Variants in G6PD observed in about 807,000 individuals in gnomAD.
G6PD encodes the protein glucose-6-phosphate 1-dehydrogenase.
A neutral mutation model predicts 38.2 loss-of-function variants in G6PD; 2 were observed. That is an observed-to-expected ratio of 0.05 (90% CI 0.02 to 0.16). G6PD has a LOEUF of 0.16. Ranked by LOEUF, G6PD falls within the 10% of genes least tolerant of loss-of-function variation. G6PD has a pLI of 1.00. For missense variants in G6PD, 310 were observed against 471.6 expected (o/e 0.66, Z 3.17); for synonymous variants, 188 against 196.0 (o/e 0.96, Z 0.34).
rs1361075567 is a variant in G6PD, at chrX:154,534,648, C to T, written c.486-152G>A. On this transcript the variant is annotated intron_variant, in intron 5 of 12. Transcript: ENST00000393562. ...TCCCGTGCCTTGTGTTCCCAGATGA[C>T]CCTCTGGCTCAACACCTTCCGGGAA... 10 of 633,033 alleles carry T rather than the reference C, an allele frequency of 1.6e-5. No individual in the cohort carries two copies. In the Middle Eastern group the frequency reaches 2.0e-3, roughly 128 times the overall value. The allele number at this position is 633,033 out of a possible 1,213,427, so 52.2% of individuals were successfully genotyped here. A position where few individuals can be genotyped will look rare whatever the true frequency, so the allele number is the denominator to read the frequency against.
chrX:154,544,912 A>T (rs2070649568), intron 2 of G6PD, among the ~76,000 whole-genome samples: 1 of 112,709 alleles, frequency 8.9e-6, no homozygotes, highest in Non-Finnish European at 1.9e-5. Flanking sequence ...ACGATGTGGA[A>T]GAACTAACTA....
intron 2 of G6PD, 24 bp downstream of exon 2, chrX:154,546,012 G>A: frequency 3.3e-6 from 4 of 1,209,107 alleles, no homozygotes; most frequent in Non-Finnish European, 4.5e-6. Flanking sequence ...TGGCTTTTAA[G>A]ATTGGGGCCT....
intron 4 of G6PD, 25 bp from the exon 5 acceptor site, chrX:154,535,410 C>G (rs372136641): frequency 3.4e-5 from 40 of 1,162,968 alleles, no homozygotes; most frequent in Non-Finnish European, 4.3e-5. Context: ...CAGACAGACA[C>G]ACAGACAGAT....
chrX:154,542,849 T>C (rs1257968929), intron 2 of G6PD, among the ~76,000 whole-genome samples: 1 of 112,125 alleles, frequency 8.9e-6, no homozygotes, highest in Admixed American at 9.4e-5. Context: ...CACGTCAGCC[T>C]GAACTCTTGC....
At position 154,532,482 on chromosome X, in the gene G6PD, T is replaced by C. The variant is rs782459726; in HGVS notation, c.1288-20A>G. 5.0e-6 allele frequency: 6 copies of C among 1,207,781 alleles called. No homozygotes were observed. Among genetic ancestry groups the C allele is most frequent in the Non-Finnish European group, 4.5e-6 (4 of 892,790 alleles). ...CACGTTCTGTGAGGGAGAGAGTGTC[T>C]TGCTGATGCCACTGCCTGCCACCAT... On this transcript the variant is annotated intron_variant, in intron 10 of 12. Transcript: ENST00000393562.
intron 2 of G6PD, among the ~76,000 whole-genome samples, chrX:154,538,662 TC>T (rs1242645996): frequency 8.9e-5 from 10 of 111,776 alleles, no homozygotes; most frequent in African/African-American, 3.3e-4. Context: ...GCGTGGTGGC[TC>T]AAGCCTGTAA....
chrX:154,542,590 C>A, intron 2 of G6PD: 1 of 843,611 alleles, frequency 1.2e-6, no homozygotes, highest in Non-Finnish European at 1.6e-6. Context: ...GTAAGCTGGC[C>A]AGGGAGGAGG....
chrX:154,543,336 G>A (rs887584757), intron 2 of G6PD, among the ~76,000 whole-genome samples: 4 of 112,598 alleles, frequency 3.6e-5, no homozygotes, highest in Admixed American at 1.9e-4. Flanking sequence ...GCCACAGGCG[G>A]AGGCAGTGAA....
intron 2 of G6PD, among the ~76,000 whole-genome samples, chrX:154,537,263 C>T (rs936579853): frequency 1.8e-5 from 2 of 111,414 alleles, no homozygotes; most frequent in Admixed American, 9.5e-5. Context: ...CAAGATTGCA[C>T]CATTGCACCC....
At chrX:154,533,997 C>A (rs782272729) in intron 7 of G6PD, 38 bp downstream of exon 7, 1 of 1,210,964 alleles carries the variant, frequency 8.3e-7, no homozygotes, top group Non-Finnish European at 1.1e-6. Context: ...GCTCTGCCAC[C>A]CTGTGCCAGC....
intron 2 of G6PD, among the ~76,000 whole-genome samples, chrX:154,537,701 T>A (rs1403056207): frequency 9.0e-6 from 1 of 111,493 alleles, no homozygotes; most frequent in Non-Finnish European, 1.9e-5. Context: ...GCATAGAGAG[T>A]GTTGCCAGTG....
chrX:154,542,281 G>C (rs1557232098), intron 2 of G6PD: 1 of 1,152,571 alleles, frequency 8.7e-7, no homozygotes. Flanking sequence ...TTGTGATCCA[G>C]GTGGGGAAAC....
chrX:154,544,218 G>C (rs1337338307), intron 2 of G6PD, among the ~76,000 whole-genome samples: 6 of 107,366 alleles, frequency 5.6e-5, no homozygotes, highest in African/African-American at 2.1e-4. Flanking sequence ...CTGGAGTGCA[G>C]TGGCGCGATC....
chrX:154,536,092 G>A (rs1183395220), intron 3 of G6PD, 47 bp from the exon 4 acceptor site: 3 of 1,207,286 alleles, frequency 2.5e-6, no homozygotes, highest in East Asian at 5.9e-5. Context: ...GGCAGGACCA[G>A]GCCTGTCCCT....
At chrX:154,535,051 G>A in intron 5 of G6PD, 117 bp downstream of exon 5, 1 of 727,076 alleles carries the variant, frequency 1.4e-6, no homozygotes, top group South Asian at 2.2e-5. Flanking sequence ...CGCTGGGGAT[G>A]GCCCCGGCAC....
upstream of G6PD, chrX:154,547,556 G>A: frequency 6.6e-6 from 5 of 754,976 alleles, no homozygotes; most frequent in Non-Finnish European, 7.8e-6. Context: ...ACTTCTCGCC[G>A]GCTTCCCGAG....
In G6PD at chrX:154,546,122, C is replaced by T. The variant is rs797043472; in HGVS notation, c.34G>A (p.Val12Met). 2 of 1,210,592 alleles carry T rather than the reference C, an allele frequency of 1.7e-6. No individual in the cohort carries two copies. Among genetic ancestry groups the T allele is most frequent in the Non-Finnish European group, 2.2e-6 (2 of 895,363 alleles). The stretch of plus-strand genomic sequence containing the variant: ...AGCTCTTCCCGCAGGATCCCGCACA[C>T]CTGGGTCCGGCTCAGGGCCACCTGC... ...AEQVALSRTQ[V>M]CGILREELFQ... Residue 12 changes from valine to methionine, a missense_variant, in exon 2 of 13, where the codon GTG becomes ATG. This residue lies in a region of G6PD where 29 missense variants were observed against 28.2 expected (regional missense o/e 1.03). Coordinates refer to ENST00000393562, the MANE Select transcript of G6PD (RefSeq NM_001360016.2).
In G6PD at chrX:154,534,556, G is replaced by C. The variant is rs2515904; in HGVS notation, c.486-60C>G. 8.4e-3 allele frequency: 9,987 copies of C among 1,185,278 alleles called. 544 individuals carry two copies. The African/African-American group carries it at 0.16, about 19-fold the overall frequency. The stretch of plus-strand genomic sequence containing the variant: ...ACCCCTCTTCGGGGAGTGAGGATCA[G>C]AGCTGCATCATTCAGACGCCCTCCC... On this transcript the variant is annotated intron_variant, in intron 5 of 12. Coordinates refer to ENST00000393562, the MANE Select transcript of G6PD (RefSeq NM_001360016.2).
rs2070339331 is a variant in G6PD, at chrX:154,531,870, G to A, written c.*130C>T. ...CGGGTAGTAGCAGCAGCGAGGGGCG[G>A]GCCAGGGTGGCCAGAGCCCGGGGCC... is the stretch of plus-strand genomic sequence containing the variant. On this transcript the variant is annotated 3_prime_UTR_variant, in exon 13 of 13. Transcript: ENST00000393562. 9.5e-7 allele frequency: 1 copy of A among 1,052,231 alleles called. No individual in the cohort carries two copies. Among genetic ancestry groups the A allele is most frequent in the Admixed American group, 2.8e-5 (1 of 35,819 alleles). 86.7% of individuals were successfully genotyped at this position (1,052,231 alleles called of 1,213,427 possible). A position where few individuals can be genotyped will look rare whatever the true frequency, so the allele number is the denominator to read the frequency against.
Sources: gnomAD v4.1 joint callset for allele counts (sites outside exome capture counted in the v4.1 genomes callset) on GRCh38, gnomAD v4.1.1 for gene constraint, gnomAD v4.1.1 regional missense constraint, MANE v1.5 for transcripts, NCBI Gene and HGNC (gene_info 2026-07-23, HGNC 2026-07-21) for gene names.